TTLL11: variants seen among roughly 807,000 people sequenced by gnomAD.
TTLL11 encodes tubulin tyrosine ligase like 11, also known as tubulin polyglutamylase TTLL11.
A neutral mutation model predicts 51.7 loss-of-function variants in TTLL11; 42 were observed. The observed-to-expected ratio is 0.81, with a 90% CI of 0.64 to 1.05. The LOEUF is 1.05. TTLL11 is among the 50% of genes least tolerant of loss of function. The probability of loss-of-function intolerance (pLI) is 0.00; values close to 1 mark genes in which losing one functional copy is unlikely to be tolerated. For synonymous variants in TTLL11, 381 were observed against 383.5 expected, an observed-to-expected ratio of 0.99 and a Z score of 0.08; for missense variants, 799 against 940.4, an observed-to-expected ratio of 0.85 and a Z score of 1.97.
At chr9:122,039,394 A>G in intron 1 of TTLL11, 26 bp from the exon 2 acceptor site, 1 of 1,576,910 alleles carries the variant, frequency 6.3e-7, no homozygotes, top group Non-Finnish European at 8.7e-7. Flanking sequence ...TGTGACTCGC[A>G]ATAAGAATAA....
At chr9:122,040,787 T>G (rs971895818) in intron 1 of TTLL11, among the ~76,000 whole-genome samples, 1 of 152,254 alleles carries the variant, frequency 6.6e-6, no homozygotes, top group Non-Finnish European at 1.5e-5. Flanking sequence ...AGGCATATGT[T>G]GTACACTCTA....
At chr9:121,933,004 C>G (rs1841052637) in intron 6 of TTLL11, among the ~76,000 whole-genome samples, 1 of 152,178 alleles carries the variant, frequency 6.6e-6, no homozygotes, top group Non-Finnish European at 1.5e-5. Flanking sequence ...TATGATGTCT[C>G]ACGGAAAAGA....
chr9:121,980,020 T>C (rs1186414499), intron 4 of TTLL11, among the ~76,000 whole-genome samples: 1 of 151,144 alleles, frequency 6.6e-6, no homozygotes, highest in Non-Finnish European at 1.5e-5. Context: ...GCACTGAGCA[T>C]AAAGCAGTGA....
intron 7 of TTLL11, among the ~76,000 whole-genome samples, chr9:121,865,056 C>G (rs1478685097): frequency 6.6e-6 from 1 of 152,152 alleles, no homozygotes; most frequent in East Asian, 1.9e-4. Flanking sequence ...GGCAAGAAGA[C>G]AACTCCAGTT....
At chr9:122,076,992 C>A (rs897744407) in intron 1 of TTLL11, among the ~76,000 whole-genome samples, 38 of 152,068 alleles carry the variant, frequency 2.5e-4, no homozygotes, top group Non-Finnish European at 1.0e-4. Context: ...TTCTCAACAG[C>A]AAAATGGAAA....
chr9:122,032,494 T>C, intron 2 of TTLL11, among the ~76,000 whole-genome samples: 1 of 152,150 alleles, frequency 6.6e-6, no homozygotes, highest in Non-Finnish European at 1.5e-5. Flanking sequence ...ACATTGATCC[T>C]ATCTCATTAA....
intron 6 of TTLL11, among the ~76,000 whole-genome samples, chr9:121,902,628 G>A (rs918958192): frequency 6.6e-6 from 1 of 151,774 alleles, no homozygotes; most frequent in Non-Finnish European, 1.5e-5. Flanking sequence ...GGATGTTGAC[G>A]GGTTTATCTC....
At chr9:121,858,447 G>A (rs1177249705) in intron 8 of TTLL11, among the ~76,000 whole-genome samples, 1 of 152,200 alleles carries the variant, frequency 6.6e-6, no homozygotes, top group Non-Finnish European at 1.5e-5. Context: ...AGCCGGTGCT[G>A]CACATGTAAA....
rs564052693 is a variant in TTLL11, at chr9:122,023,193, G to A, written c.693+8530C>T. ...TGAATCATTTTACACCAATACAAGT[G>A]AAAACTTAGAAAAAGTAGACAAATT... On this transcript the variant is annotated intron_variant, in intron 3 of 8. Transcript: ENST00000321582. Among the ~76,000 whole-genome samples the A allele has an allele frequency of 2.6e-5, 4 of 151,982 alleles. No individual in the cohort carries two copies. In the South Asian group the frequency reaches 6.2e-4, roughly 24 times the overall value.
At chr9:121,873,420 T>A (rs747255114) in intron 6 of TTLL11, among the ~76,000 whole-genome samples, 5 of 147,856 alleles carry the variant, frequency 3.4e-5, no homozygotes, top group Non-Finnish European at 5.9e-5. Flanking sequence ...GCCATTCTCC[T>A]GCCTCAGCCT....
chr9:121,958,659 A>T (rs370543900), intron 6 of TTLL11, among the ~76,000 whole-genome samples: 22 of 152,330 alleles, frequency 1.4e-4, no homozygotes, highest in African/African-American at 5.3e-4. Context: ...TCGAACACAT[A>T]GAGTCCTAAA....
In TTLL11 at chr9:121,820,473, A is replaced by G. The variant is rs1836544158; in HGVS notation, c.*2114T>C. Among the ~76,000 whole-genome samples the G allele has an allele frequency of 1.3e-5, 2 of 152,140 alleles. No individual in the cohort carries two copies. The highest frequency in any genetic ancestry group is 3.9e-4 in the East Asian group (2 of 5,184). On this transcript the variant is annotated 3_prime_UTR_variant, in exon 9 of 9. Coordinates refer to ENST00000321582, the MANE Select transcript of TTLL11 (RefSeq NM_001139442.2). ...CAAACATTGTTTCTCACAATGGACCATTTAGGAGCCCTGACTGCCTTGTCC... is the reference window on the plus strand; with the variant it reads ...CAAACATTGTTTCTCACAATGGACCGTTTAGGAGCCCTGACTGCCTTGTCC...
In TTLL11 at chr9:121,989,287, C is replaced by T; in HGVS notation, c.1177G>A (p.Val393Met). Residue 393 changes from valine to methionine, a missense_variant, in exon 4 of 9, where the codon GTG becomes ATG. Around this residue, in one of 3 missense-constraint regions of TTLL11, gnomAD observed 468 missense variants for 612.8 expected, o/e 0.76. Coordinates refer to ENST00000321582, the MANE Select transcript of TTLL11 (RefSeq NM_001139442.2). The surrounding 1 kb of genome is among the most constrained non-coding windows in gnomAD (Gnocchi z 4.2). ...GTCAGCGCGATGACCGTCTTAATCACCACGGAGATGATGTCAGACCAGACC... is the reference window on the plus strand; with the variant it reads ...GTCAGCGCGATGACCGTCTTAATCATCACGGAGATGATGTCAGACCAGACC... Reference protein sequence around the residue: ...KKVWSDIISVVIKTVIALTPE... With the variant: ...KKVWSDIISVMIKTVIALTPE... 2.5e-6 allele frequency: 4 copies of T among 1,614,160 alleles called. No homozygotes were observed. Among genetic ancestry groups the T allele is most frequent in the African/African-American group, 1.3e-5 (1 of 75,054 alleles).
intron 8 of TTLL11, among the ~76,000 whole-genome samples, chr9:121,823,566 C>T (rs981250814): frequency 1.3e-5 from 2 of 151,976 alleles, no homozygotes; most frequent in Non-Finnish European, 2.9e-5. Flanking sequence ...AACAAAAAAA[C>T]CCAGCTTCTT....
chr9:121,883,391 C>T (rs1215369066), intron 6 of TTLL11, among the ~76,000 whole-genome samples: 1 of 152,124 alleles, frequency 6.6e-6, no homozygotes, highest in Non-Finnish European at 1.5e-5. Context: ...TTATATGACT[C>T]CTTTGACATA....
intron 1 of TTLL11, among the ~76,000 whole-genome samples, chr9:122,048,217 G>A (rs1003511082): frequency 2.0e-4 from 30 of 151,350 alleles, no homozygotes; most frequent in African/African-American, 6.6e-4. Context: ...AGCCAGCCTG[G>A]GTGCAGTGGT....
At chr9:121,963,303 C>CT (rs1296449710) in intron 6 of TTLL11, among the ~76,000 whole-genome samples, 1 of 152,178 alleles carries the variant, frequency 6.6e-6, no homozygotes, top group Admixed American at 6.5e-5. Flanking sequence ...TCCAGAAAGT[C>CT]TAAGTGACTT....
chr9:122,044,572 C>T (rs1040697232), intron 1 of TTLL11, among the ~76,000 whole-genome samples: 5 of 152,138 alleles, frequency 3.3e-5, no homozygotes, highest in Non-Finnish European at 5.9e-5. Context: ...GAGATGGTAT[C>T]GCATTGTGGT....
chr9:122,031,564 G>C (rs1477466574), intron 3 of TTLL11, among the ~76,000 whole-genome samples, 159 bp downstream of exon 3: 2 of 152,152 alleles, frequency 1.3e-5, no homozygotes, highest in African/African-American at 4.8e-5. Context: ...AACTCTGCAA[G>C]CTGTTTTGAT....
Sources: allele counts gnomAD v4.1 joint callset (sites outside exome capture counted in the v4.1 genomes callset), GRCh38; gene constraint gnomAD v4.1.1; regional missense constraint gnomAD v4.1.1; non-coding constraint Gnocchi (gnomAD v3.1); transcripts MANE v1.5; gene names NCBI Gene and HGNC (gene_info 2026-07-23, HGNC 2026-07-21).